Variants in MAPK10 observed in about 807,000 individuals in gnomAD.
The protein encoded by MAPK10 is JNK3 alpha protein kinase.
In MAPK10, 25 loss-of-function variants were observed where a neutral mutation model predicts 59.3. The ratio of observed to expected loss-of-function variants is 0.42; its 90% CI spans 0.31 to 0.59. MAPK10 has a LOEUF of 0.59. MAPK10 is among the 20% of genes least tolerant of loss of function. MAPK10 has a pLI of 0.15. For synonymous variants in MAPK10, 190 were observed against 200.5 expected, an observed-to-expected ratio of 0.95 and a Z score of 0.44; for missense variants, 351 against 568.9, an observed-to-expected ratio of 0.62 and a Z score of 3.90.
At chr4:86,337,712 AT>A (rs2148930131) in intron 2 of MAPK10, among the ~76,000 whole-genome samples, 1 of 152,276 alleles carries the variant, frequency 6.6e-6, no homozygotes, top group African/African-American at 2.4e-5. Flanking sequence ...AGTAAAGAAA[AT>A]GTTGCTTGCT....
intron 1 of MAPK10, among the ~76,000 whole-genome samples, chr4:86,444,675 C>T (rs1469798922): frequency 5.4e-5 from 8 of 148,928 alleles, no homozygotes; most frequent in Non-Finnish European, 7.4e-5. Flanking sequence ...ATCCATTTCT[C>T]AAAGGTCTAT....
chr4:86,033,089 C>A (rs1017938089), intron 11 of MAPK10, among the ~76,000 whole-genome samples: 2 of 152,192 alleles, frequency 1.3e-5, no homozygotes, highest in Non-Finnish European at 2.9e-5. Flanking sequence ...TGAGGTAGAA[C>A]CTTCCACCTC....
At chr4:86,249,262 T>A (rs1287489661) in intron 2 of MAPK10, among the ~76,000 whole-genome samples, 1 of 151,860 alleles carries the variant, frequency 6.6e-6, no homozygotes, top group Non-Finnish European at 1.5e-5. Context: ...TCAAAAGACA[T>A]CTGGAGGTGG....
intron 1 of MAPK10, among the ~76,000 whole-genome samples, chr4:86,584,051 G>A (rs570824285): frequency 6.6e-6 from 1 of 152,282 alleles, no homozygotes; most frequent in East Asian, 1.9e-4. Flanking sequence ...GTCTGTGTGT[G>A]TGCATGCATG....
At chr4:86,506,903 AG>A (rs1755781447) in intron 1 of MAPK10, among the ~76,000 whole-genome samples, 1 of 152,142 alleles carries the variant, frequency 6.6e-6, no homozygotes. Context: ...GTAAGCCTCA[AG>A]GGGATTTGGG....
At chr4:86,399,257 G>A (rs191194562) in intron 1 of MAPK10, among the ~76,000 whole-genome samples, 42 of 152,044 alleles carry the variant, frequency 2.8e-4, no homozygotes, top group Admixed American at 1.1e-3. Flanking sequence ...CCACAGCCTC[G>A]CCAACATCTG....
rs748960591 is a variant in MAPK10, at chr4:86,159,484, C to T, written c.67-17G>A. ...ATCGAATCCCTGTCAAAAAGAAGAA[C>T]AGCAAAAACATGAGGCAAGTGAACA... is the stretch of plus-strand genomic sequence containing the variant. On this transcript the variant is annotated splice_polypyrimidine_tract_variant and intron_variant, in intron 3 of 13. Coordinates refer to ENST00000641462, the MANE Select transcript of MAPK10 (RefSeq NM_138982.4). 1.9e-6 allele frequency: 3 copies of T among 1,603,150 alleles called. No individual in the cohort carries two copies. Among genetic ancestry groups the T allele is most frequent in the Non-Finnish European group, 2.6e-6 (3 of 1,174,096 alleles).
intron 2 of MAPK10, among the ~76,000 whole-genome samples, chr4:86,275,764 G>A (rs1429251716): frequency 6.6e-6 from 1 of 151,934 alleles, no homozygotes; most frequent in African/African-American, 2.4e-5. Flanking sequence ...TATCCATTTT[G>A]AGTTTTAGTT....
intron 3 of MAPK10, among the ~76,000 whole-genome samples, chr4:86,172,107 C>T (rs2074365227): frequency 1.5e-5 from 2 of 135,578 alleles, no homozygotes; most frequent in Admixed American, 6.9e-5. Flanking sequence ...GAAATAGGAA[C>T]ACTTTTACAC....
In MAPK10 at chr4:86,471,011, C is replaced by T. The variant is rs558824742; in HGVS notation, c.-262-116367G>A. On this transcript the variant is annotated intron_variant, in intron 1 of 4. Transcript: ENST00000502302. ...TTAGGCTGGGCATGGTGGCTCACACCTGTAATCCCAGCACTTTGGGAGGCT... is the reference window on the plus strand; with the variant it reads ...TTAGGCTGGGCATGGTGGCTCACACTTGTAATCCCAGCACTTTGGGAGGCT... 4.5e-4 allele frequency among the ~76,000 whole-genome samples: 68 copies of T among 152,066 alleles called. 1 individual carries two copies. The highest frequency in any genetic ancestry group is 1.3e-4 in the Non-Finnish European group (9 of 68,014).
chr4:86,555,308 C>T (rs1308662114), intron 1 of MAPK10, among the ~76,000 whole-genome samples: 1 of 152,008 alleles, frequency 6.6e-6, no homozygotes, highest in Admixed American at 6.6e-5. Flanking sequence ...TAGCCGGGCG[C>T]GGTGGCCGGT....
In MAPK10 at chr4:86,134,013, C is replaced by A. The variant is rs553139644; in HGVS notation, c.236+25285G>T. Among the ~76,000 whole-genome samples, 154 of 152,332 alleles carry A rather than the reference C, an allele frequency of 1.0e-3. 1 individual carries two copies. The highest frequency in any genetic ancestry group is 3.6e-3 in the African/African-American group (150 of 41,588). Reference sequence around the variant, plus strand: ...TCCTAAGAAATGTTCATCTGGCCATCTTTTGCATGCAAACTATCAGTCACC... The same window carrying A: ...TCCTAAGAAATGTTCATCTGGCCATATTTTGCATGCAAACTATCAGTCACC... On this transcript the variant is annotated intron_variant, in intron 4 of 13. Coordinates refer to ENST00000641462, the MANE Select transcript of MAPK10 (RefSeq NM_138982.4).
At chr4:86,486,984 T>C (rs1277423267) in intron 1 of MAPK10, among the ~76,000 whole-genome samples, 1 of 149,916 alleles carries the variant, frequency 6.7e-6, no homozygotes, top group Non-Finnish European at 1.5e-5. Context: ...AAACCCAAAG[T>C]GATGAACATT....
chr4:86,526,841 G>A (rs1280931485), intron 1 of MAPK10, among the ~76,000 whole-genome samples: 1 of 152,112 alleles, frequency 6.6e-6, no homozygotes, highest in Non-Finnish European at 1.5e-5. Flanking sequence ...GAAGCAAATT[G>A]TTTAATGTCC....
At chr4:86,064,777 T>G (rs934097094) in intron 10 of MAPK10, 1 of 166,554 alleles carries the variant, frequency 6.0e-6, no homozygotes. Flanking sequence ...GACGGCTGTT[T>G]GAAGTTAATC....
At chr4:86,436,236 A>C (rs1036799197) in intron 1 of MAPK10, among the ~76,000 whole-genome samples, 5 of 152,222 alleles carry the variant, frequency 3.3e-5, no homozygotes, top group African/African-American at 1.2e-4. Flanking sequence ...CTGGGTGGCC[A>C]AAATGAAACT....
chr4:86,037,796 A>G (rs2040655926), intron 11 of MAPK10, among the ~76,000 whole-genome samples: 1 of 152,234 alleles, frequency 6.6e-6, no homozygotes, highest in Non-Finnish European at 1.5e-5. Flanking sequence ...AGAGTTAATT[A>G]GTGACAGATG....
intron 1 of MAPK10, among the ~76,000 whole-genome samples, chr4:86,480,581 C>T (rs1228457972): frequency 2.0e-5 from 3 of 152,084 alleles, no homozygotes; most frequent in Admixed American, 6.6e-5. Context: ...CACCCTGACA[C>T]AAAATGAAGA....
chr4:86,300,557 A>G (rs2095450000), intron 2 of MAPK10: 1 of 152,214 alleles, frequency 6.6e-6, no homozygotes, highest in Non-Finnish European at 1.5e-5. Flanking sequence ...GTAATACACA[A>G]ATACCCAACT....
Sources: gnomAD v4.1 joint callset for allele counts (sites outside exome capture counted in the v4.1 genomes callset) on GRCh38, gnomAD v4.1.1 for gene constraint, MANE v1.5 for transcripts, NCBI Gene and HGNC (gene_info 2026-07-23, HGNC 2026-07-21) for gene names.